FARP1: variants seen among roughly 807,000 people sequenced by gnomAD.
FARP1 encodes the protein FERM, ARHGEF and pleckstrin domain-containing protein 1.
In FARP1, 52 loss-of-function variants were observed where a neutral mutation model predicts 128.8. The observed-to-expected ratio is 0.40, with a 90% confidence interval of 0.32 to 0.51. FARP1 has a LOEUF of 0.51. Among genes scored for constraint, FARP1 ranks in the 20% least tolerant of loss-of-function variants. The probability of loss-of-function intolerance (pLI) is 0.45; values close to 1 mark genes in which losing one functional copy is unlikely to be tolerated. For synonymous variants in FARP1, 580 were observed against 551.8 expected (o/e 1.05, Z -0.72); for missense variants, 1,333 against 1,367.9 (o/e 0.97, Z 0.40).
intron 2 of FARP1, among the ~76,000 whole-genome samples, chr13:98,248,088 G>C (rs1336652754): frequency 6.6e-6 from 1 of 152,128 alleles, no homozygotes; most frequent in Non-Finnish European, 1.5e-5. Context: ...CCTCGGACCT[G>C]TCTTCCCAAA....
At chr13:98,446,874 C>T (rs1410085524) in intron 26 of FARP1, 57 bp downstream of exon 26, 4 of 1,579,432 alleles carry the variant, frequency 2.5e-6, no homozygotes, top group Middle Eastern at 1.7e-4. Context: ...CTCTTCCAAA[C>T]ATCAGGATTT....
intron 2 of FARP1, chr13:98,245,235 T>C: frequency 1.2e-5 from 12 of 985,482 alleles, no homozygotes; most frequent in Non-Finnish European, 1.4e-5. Flanking sequence ...TGTGTAACTT[T>C]TTTATTCAAA....
chr13:98,179,886 C>G (rs922167975), intron 1 of FARP1, among the ~76,000 whole-genome samples: 6 of 144,916 alleles, frequency 4.1e-5, no homozygotes, highest in Non-Finnish European at 7.8e-5. Context: ...AAACAAAAAA[C>G]TTTTGACTTA....
intron 2 of FARP1, among the ~76,000 whole-genome samples, chr13:98,316,455 C>T (rs1041712469): frequency 6.6e-6 from 1 of 152,222 alleles, no homozygotes; most frequent in Non-Finnish European, 1.5e-5. Context: ...CCAGGTCACA[C>T]AGCCCATGCG....
intron 2 of FARP1, among the ~76,000 whole-genome samples, chr13:98,252,971 A>C (rs1179675256): frequency 2.6e-5 from 4 of 152,216 alleles, no homozygotes; most frequent in African/African-American, 9.6e-5. Context: ...TGAGATTTTA[A>C]AGTAGCTTTT....
intron 1 of FARP1, among the ~76,000 whole-genome samples, chr13:98,197,205 G>A (rs1352903220): frequency 6.6e-6 from 1 of 152,150 alleles, no homozygotes; most frequent in Non-Finnish European, 1.5e-5. Flanking sequence ...GGTGGCTCAC[G>A]CCTGTGATCC....
rs1890279159 is a variant in FARP1, at chr13:98,390,849, G to C, written c.1057G>C (p.Glu353Gln). ...TQKQVLDYVK[E>Q]GGHKKVQFER... ...GAAGCAGGTTCTCGACTATGTTAAA[G>C]AAGGAGGACATAAGAAGGTGCAGTT... The change falls in exon 11 of 27, where the codon GAA (glutamate) becomes CAA (glutamine). Residue 353 changes from glutamate (E) to glutamine (Q), a missense_variant. By Grantham distance (29) the Glu-to-Gln change is conservative. Transcript: ENST00000319562. 2 of 1,613,830 alleles carry C rather than the reference G, an allele frequency of 1.2e-6. No homozygotes were observed. The highest frequency in any genetic ancestry group is 4.5e-5 in the East Asian group (2 of 44,874).
rs145689386 is a variant in FARP1 at position 98,431,167 on chromosome 13, C to A, written c.2030C>A (p.Pro677Gln). Residue 677 changes from proline (P) to glutamine (Q), a missense_variant, in exon 18 of 27, where the codon CCG (proline) becomes CAG (glutamine). By Grantham distance (76) the Pro-to-Gln change is moderately conservative (BLOSUM62 -1). Transcript: ENST00000319562. ...GAGCTGCAGAAGGTGTGTTACCTAC[C>A]GCTCAACACCTTCCTCCTGCGGCCA... is the stretch of plus-strand genomic sequence containing the variant. ...DFELQKVCYL[P>Q]LNTFLLRPLH... is the part of the protein sequence containing the mutation. The A allele has an allele frequency of 2.4e-4, 392 of 1,613,806 alleles. 2 individuals are homozygous for A. The African/African-American group carries it at 4.9e-3, about 20-fold the overall frequency.
In FARP1 at chr13:98,431,177, C is replaced by G. The variant is rs746221859; in HGVS notation, c.2040C>G (p.Thr680=). 4.6e-5 allele frequency: 74 copies of G among 1,613,684 alleles called. No homozygotes were observed. The highest frequency in any genetic ancestry group is 8.5e-7 in the Non-Finnish European group (1 of 1,179,868). ...AGGTGTGTTACCTACCGCTCAACACCTTCCTCCTGCGGCCACTGCACCGGC... is the reference window on the plus strand; with the variant it reads ...AGGTGTGTTACCTACCGCTCAACACGTTCCTCCTGCGGCCACTGCACCGGC... ...LQKVCYLPLN[T]FLLRPLHRLM... is the part of the protein sequence containing the mutation. Residue 680 remains threonine, a synonymous_variant, in exon 18 of 27, where the codon ACC becomes ACG. Coordinates refer to ENST00000319562, the MANE Select transcript of FARP1 (RefSeq NM_005766.4).
At chr13:98,173,229 A>G (rs577975947) in intron 1 of FARP1, among the ~76,000 whole-genome samples, 82 of 152,298 alleles carry the variant, frequency 5.4e-4, no homozygotes, top group Non-Finnish European at 3.4e-4. Context: ...TGTTCTTGAG[A>G]GTTCTGTCCT....
chr13:98,339,176 G>A (rs1292530224), intron 2 of FARP1, among the ~76,000 whole-genome samples: 2 of 152,326 alleles, frequency 1.3e-5, no homozygotes, highest in East Asian at 3.9e-4. Context: ...GGTAATTTAT[G>A]TAGAAAGGAG....
chr13:98,386,561 G>A (rs1475364041), intron 8 of FARP1, among the ~76,000 whole-genome samples: 1 of 152,126 alleles, frequency 6.6e-6, no homozygotes, highest in African/African-American at 2.4e-5. Context: ...TGTATATCCT[G>A]TAAAATTCCC....
chr13:98,386,106 A>G, intron 8 of FARP1: 1 of 255,400 alleles, frequency 3.9e-6, no homozygotes, highest in Non-Finnish European at 7.4e-6. Context: ...CTTAGAACAC[A>G]GTCTAATGGA....
intron 1 of FARP1, among the ~76,000 whole-genome samples, chr13:98,203,599 C>T (rs1022133355): frequency 6.6e-6 from 1 of 152,170 alleles, no homozygotes; most frequent in Non-Finnish European, 1.5e-5. Flanking sequence ...TGTGGCAGAA[C>T]AATATTCCCT....
chr13:98,154,354 G>A (rs554776965), intron 1 of FARP1, among the ~76,000 whole-genome samples: 65 of 152,298 alleles, frequency 4.3e-4, no homozygotes, highest in Middle Eastern at 3.4e-3. Flanking sequence ...TAACAGGTGT[G>A]TAGTGGTATC....
At chr13:98,379,185 A>G (rs1889781987) in intron 6 of FARP1, among the ~76,000 whole-genome samples, 1 of 75,424 alleles carries the variant, frequency 1.3e-5, no homozygotes, top group Non-Finnish European at 2.3e-5. Flanking sequence ...TATATAATAT[A>G]TATAATATAT....
intron 2 of FARP1, among the ~76,000 whole-genome samples, chr13:98,234,863 A>G (rs9517223): frequency 0.041 from 6,272 of 152,302 alleles, 138 homozygotes; most frequent in Middle Eastern, 0.058. Flanking sequence ...TAGGACCGAA[A>G]GACTCTGAAA....
intron 1 of FARP1, among the ~76,000 whole-genome samples, chr13:98,165,539 T>C (rs1218128136): frequency 2.0e-5 from 3 of 151,946 alleles, no homozygotes; most frequent in Non-Finnish European, 2.9e-5. Flanking sequence ...GGGAAAAAGT[T>C]TGTTACACAA....
chr13:98,302,322 T>C (rs1324964479), intron 2 of FARP1, among the ~76,000 whole-genome samples: 2 of 152,236 alleles, frequency 1.3e-5, no homozygotes. Flanking sequence ...CAAAAAATTC[T>C]TTTCTAGCTC....
Sources: allele counts gnomAD v4.1 joint callset (sites outside exome capture counted in the v4.1 genomes callset), GRCh38; gene constraint gnomAD v4.1.1; transcripts MANE v1.5; gene names NCBI Gene and HGNC (gene_info 2026-07-23, HGNC 2026-07-21).